Variants in ARFGEF1 observed in about 807,000 individuals in gnomAD.
ARFGEF1 encodes the protein ARF guanine nucleotide exchange factor 1.
A neutral mutation model predicts 231.0 loss-of-function variants in ARFGEF1; 42 were observed. That is an observed-to-expected ratio of 0.18 (90% confidence interval 0.14 to 0.24). ARFGEF1 has a LOEUF of 0.24. Among genes scored for constraint, ARFGEF1 ranks in the 10% least tolerant of loss-of-function variants. ARFGEF1 has a pLI of 1.00. For synonymous variants in ARFGEF1, 710 were observed against 732.3 expected (o/e 0.97, Z 0.49); for missense variants, 1,345 against 2,192.0 (o/e 0.61, Z 7.72).
chr8:67,252,503 C>T (rs1367191956), intron 18 of ARFGEF1, among the ~76,000 whole-genome samples: 2 of 151,994 alleles, frequency 1.3e-5, no homozygotes, highest in Non-Finnish European at 2.9e-5. Context: ...GAGGATGATA[C>T]AATATATAAT....
At chr8:67,175,577 A>G in intron 5 of ARFGEF1, 1 of 951,184 alleles carries the variant, frequency 1.1e-6, no homozygotes, top group Non-Finnish European at 1.7e-6. Context: ...TTTGGTCTGT[A>G]GTACCAGAAA....
At chr8:67,250,896 A>G (rs187082465) in intron 19 of ARFGEF1, among the ~76,000 whole-genome samples, 46 of 152,346 alleles carry the variant, frequency 3.0e-4, no homozygotes, top group Admixed American at 5.9e-4. Flanking sequence ...TCTGGGCCCC[A>G]GGCATATTCA....
At chr8:67,320,880 G>C (rs985777621) in intron 1 of ARFGEF1, among the ~76,000 whole-genome samples, 20 of 152,140 alleles carry the variant, frequency 1.3e-4, no homozygotes, top group African/African-American at 4.8e-4. Flanking sequence ...AGAATTGCTT[G>C]AACCCAGGAA....
intron 15 of ARFGEF1, among the ~76,000 whole-genome samples, chr8:67,259,211 A>G (rs1840563436): frequency 1.3e-5 from 2 of 152,192 alleles, no homozygotes; most frequent in African/African-American, 4.8e-5. Flanking sequence ...AGAGATGATT[A>G]TATTATAACC....
intron 7 of ARFGEF1, among the ~76,000 whole-genome samples, chr8:67,286,739 C>T (rs571371927): frequency 1.3e-5 from 2 of 152,118 alleles, no homozygotes; most frequent in African/African-American, 2.4e-5. Context: ...AAATCATGGT[C>T]GGTTCTTCAC....
At chr8:67,335,751 C>T (rs1223897459) in intron 1 of ARFGEF1, among the ~76,000 whole-genome samples, 2 of 144,972 alleles carry the variant, frequency 1.4e-5, no homozygotes, top group Admixed American at 6.9e-5. Context: ...TAAAGATTTT[C>T]TTTTTTTTTT....
intron 1 of ARFGEF1, among the ~76,000 whole-genome samples, chr8:67,314,404 G>C (rs894246911): frequency 2.8e-4 from 42 of 152,268 alleles, no homozygotes; most frequent in African/African-American, 9.9e-4. Flanking sequence ...TGCCAGGCAG[G>C]AATGGGCTGC....
intron 1 of ARFGEF1, among the ~76,000 whole-genome samples, chr8:67,304,994 G>A (rs1036775021): frequency 1.3e-5 from 2 of 152,170 alleles, no homozygotes; most frequent in Non-Finnish European, 2.9e-5. Context: ...AGGGGAAGAA[G>A]AGGAGCTGGC....
chr8:67,284,222 C>T (rs989366628), intron 7 of ARFGEF1, among the ~76,000 whole-genome samples: 2 of 152,044 alleles, frequency 1.3e-5, no homozygotes, highest in African/African-American at 4.8e-5. Flanking sequence ...AAATGCAACA[C>T]ACACATACAT....
chr8:67,190,127 T>C (rs1835805864), intron 5 of ARFGEF1, among the ~76,000 whole-genome samples: 1 of 152,222 alleles, frequency 6.6e-6, no homozygotes, highest in African/African-American at 2.4e-5. Flanking sequence ...AAAACTTGAA[T>C]GTGAATGTTC....
At chr8:67,310,389 T>C (rs1806948666) in intron 1 of ARFGEF1, among the ~76,000 whole-genome samples, 1 of 152,194 alleles carries the variant, frequency 6.6e-6, no homozygotes, top group Admixed American at 6.5e-5. Context: ...GGAGTCTCGT[T>C]CACTCAGTGC....
At chr8:67,298,820 C>T (rs181663005) in intron 4 of ARFGEF1, among the ~76,000 whole-genome samples, 2 of 152,300 alleles carry the variant, frequency 1.3e-5, no homozygotes, top group East Asian at 3.9e-4. Flanking sequence ...GGCTGGAGCA[C>T]AGTGGCATGG....
chr8:67,318,642 T>C (rs1004328441), intron 1 of ARFGEF1, among the ~76,000 whole-genome samples: 1 of 152,186 alleles, frequency 6.6e-6, no homozygotes, highest in African/African-American at 2.4e-5. Flanking sequence ...CACATTTCTA[T>C]ATACTAGCAA....
In ARFGEF1 at chr8:67,343,422, G is replaced by A. The variant is rs1808755371; in HGVS notation, c.-135C>T. 1 of 1,428,930 alleles carries A rather than the reference G, an allele frequency of 7.0e-7. No homozygotes were observed. The highest frequency in any genetic ancestry group is 9.2e-7 in the Non-Finnish European group (1 of 1,086,738). The allele number at this position is 1,428,930 out of a possible 1,614,324, so 88.5% of individuals were successfully genotyped here. ...GGGGATTGGAGGCGTGGAGGGCAGCGGCAGGATCAGGAAGGGGCGGGCGAG... is the reference window on the plus strand; with the variant it reads ...GGGGATTGGAGGCGTGGAGGGCAGCAGCAGGATCAGGAAGGGGCGGGCGAG... On this transcript the variant is annotated 5_prime_UTR_variant, in exon 1 of 39. Transcript: ENST00000262215.
Position 67,179,817 on chromosome 8 carries a change from G to A in ARFGEF1, c.561-4245C>T, listed in dbSNP as rs759465019. 20 of 1,347,046 alleles carry A rather than the reference G, an allele frequency of 1.5e-5. No individual in the cohort carries two copies. In the Admixed American group the frequency reaches 2.7e-4, roughly 18 times the overall value. The allele number at this position is 1,347,046 out of a possible 1,614,324, so 83.4% of individuals were successfully genotyped here. On this transcript the variant is annotated intron_variant, in intron 5 of 5. Coordinates refer to the ARFGEF1 transcript ENST00000518789. ...TTCTTAGTATAAATTTGTTGTTTTT[G>A]TACACAAAACTAATAAAAATAGTCA...
chr8:67,226,777 T>TA (rs1839388811), intron 27 of ARFGEF1, among the ~76,000 whole-genome samples: 3 of 152,080 alleles, frequency 2.0e-5, no homozygotes, highest in Admixed American at 2.0e-4. Flanking sequence ...GGCTTTGCTT[T>TA]AATACTCCAT....
chr8:67,253,330 C>T (rs1343218739), intron 18 of ARFGEF1, 121 bp downstream of exon 18: 2 of 584,770 alleles, frequency 3.4e-6, no homozygotes, highest in Admixed American at 8.0e-5. Flanking sequence ...TCTGCTTCAG[C>T]CTCCCTGAGT....
downstream of ARFGEF1, chr8:67,195,498 C>G (rs759903681): frequency 1.2e-6 from 2 of 1,614,088 alleles, no homozygotes; most frequent in South Asian, 1.1e-5. Context: ...AACGCTGAAA[C>G]GTTTCATGGC....
chr8:67,323,135 C>T (rs1807671637), intron 1 of ARFGEF1, among the ~76,000 whole-genome samples: 1 of 151,624 alleles, frequency 6.6e-6, no homozygotes, highest in African/African-American at 2.4e-5. Flanking sequence ...GCCTGTAATC[C>T]CAGCTACTCG....
Sources: allele counts gnomAD v4.1 joint callset (sites outside exome capture counted in the v4.1 genomes callset), GRCh38; gene constraint gnomAD v4.1.1; transcripts MANE v1.5; gene names NCBI Gene and HGNC (gene_info 2026-07-23, HGNC 2026-07-21).